The following ZER1 variants were observed in gnomAD, a reference collection of about 807,000 sequenced individuals.
ZER1 encodes zyg-11 related cell cycle regulator, also known as protein zer-1 homolog.
In ZER1, 11 loss-of-function variants were observed where a neutral mutation model predicts 78.8. That is an observed-to-expected ratio of 0.14 (90% CI 0.09 to 0.23). ZER1 has a LOEUF of 0.23. ZER1 is among the 10% of genes least tolerant of loss of function. The pLI is 1.00. For missense variants in ZER1, 588 were observed against 996.9 expected (o/e 0.59, Z 5.52); for synonymous variants, 400 against 407.0 (o/e 0.98, Z 0.21).
In ZER1 at chr9:128,742,707, G is replaced by A. The variant is rs772724504; in HGVS notation, c.1398C>T (p.Ser466=). 4.3e-6 allele frequency: 7 copies of A among 1,613,584 alleles called. No individual in the cohort carries two copies. The Admixed American group carries it at 6.7e-5, about 15-fold the overall frequency. ...ACTGGAATTCCAGCTCCTCGGGGATGCTGAAGTTGCAGAGCGTCAGGCAGC... is the reference window on the plus strand; with the variant it reads ...ACTGGAATTCCAGCTCCTCGGGGATACTGAAGTTGCAGAGCGTCAGGCAGC... The part of the protein sequence containing the change: ...RNCCLTLCNF[S]IPEELEFQYR... Residue 466 remains serine, a synonymous_variant, in exon 9 of 16, where the codon AGC becomes AGT. Transcript: ENST00000291900.
rs1400479079 is a variant in ZER1, at chr9:128,740,561, C to T, written c.1853+211G>A. Reference sequence around the variant, plus strand: ...TGCCACTGCACTTCAGCCTGGGTGACAGAGCAAGACTCCATCTCAAAAAAA... The same window carrying T: ...TGCCACTGCACTTCAGCCTGGGTGATAGAGCAAGACTCCATCTCAAAAAAA... On this transcript the variant is annotated intron_variant, in intron 12 of 15. Transcript: ENST00000291900. This position sits in a 1 kb window ranked among gnomAD's most constrained non-coding sequence, Gnocchi z 4.4. Among the ~76,000 whole-genome samples, 1 of 143,364 alleles carries T rather than the reference C, an allele frequency of 7.0e-6. No homozygotes were observed. Among genetic ancestry groups the T allele is most frequent in the African/African-American group, 2.6e-5 (1 of 38,108 alleles). 94.1% of individuals were successfully genotyped at this position (143,364 alleles called of 152,430 possible).
At chr9:128,771,106 T>C (rs1864368939) in intron 1 of ZER1, among the ~76,000 whole-genome samples, 1 of 152,200 alleles carries the variant, frequency 6.6e-6, no homozygotes, top group Non-Finnish European at 1.5e-5. Context: ...CAAGACAAGT[T>C]CCACCCAGAG....
At position 128,740,635 on chromosome 9, in the gene ZER1, A is replaced by C. The variant is rs1355304054; in HGVS notation, c.1853+137T>G. Reference sequence around the variant, plus strand: ...GGACCACTTACGAAGGATTGAATGAATAAGAAACCACATTATCGAGGGAAA... The same window carrying C: ...GGACCACTTACGAAGGATTGAATGACTAAGAAACCACATTATCGAGGGAAA... On this transcript the variant is annotated intron_variant, in intron 12 of 15. Transcript: ENST00000291900. This position sits in a 1 kb window ranked among gnomAD's most constrained non-coding sequence, Gnocchi z 4.4. 1 of 594,992 alleles carries C rather than the reference A, an allele frequency of 1.7e-6. No homozygotes were observed. The highest frequency in any genetic ancestry group is 3.0e-6 in the Non-Finnish European group (1 of 330,108). The allele number at this position is 594,992 out of a possible 1,614,324, so 36.9% of individuals were successfully genotyped here.
At chr9:128,766,510 T>C (rs940889133) in intron 1 of ZER1, among the ~76,000 whole-genome samples, 22 of 152,168 alleles carry the variant, frequency 1.4e-4, no homozygotes, top group African/African-American at 5.3e-4. Flanking sequence ...ACTATGGATC[T>C]GAACAGACAG....
At chr9:128,733,857 C>T (rs968114973) in intron 14 of ZER1, among the ~76,000 whole-genome samples, 3 of 143,136 alleles carry the variant, frequency 2.1e-5, no homozygotes, top group East Asian at 2.1e-4. Context: ...TGGCCGGGCA[C>T]GGTGGCTCAC....
Position 128,753,868 on chromosome 9 carries a change from G to C in ZER1, c.250C>G (p.Arg84Gly). ...FSDPRSTRLTRIHLREDLVQD... is the reference protein window; with the variant it reads ...FSDPRSTRLTGIHLREDLVQD... ...ACCAGGTCCTCACGGAGGTGGATCCGCGTGAGGCGGGTGCTGCGGGGGTCC... is the reference window on the plus strand; with the variant it reads ...ACCAGGTCCTCACGGAGGTGGATCCCCGTGAGGCGGGTGCTGCGGGGGTCC... Residue 84 changes from arginine to glycine, a missense_variant, in exon 3 of 16, where the codon CGG becomes GGG. Arg to Gly is a moderately radical substitution (Grantham distance 125, BLOSUM62 -2). Around this residue, in one of 3 missense-constraint regions of ZER1, gnomAD observed 406 missense variants for 660.1 expected, o/e 0.62. Transcript: ENST00000291900. The surrounding 1 kb of genome is among the most constrained non-coding windows in gnomAD (Gnocchi z 7.5). 1.9e-6 allele frequency: 3 copies of C among 1,603,406 alleles called. No individual in the cohort carries two copies. Among genetic ancestry groups the C allele is most frequent in the Non-Finnish European group, 2.6e-6 (3 of 1,175,516 alleles).
intron 1 of ZER1, among the ~76,000 whole-genome samples, chr9:128,768,462 T>C (rs985801175): frequency 6.6e-6 from 1 of 152,122 alleles, no homozygotes; most frequent in Admixed American, 6.6e-5. Context: ...ATTCTTAATC[T>C]ACAAATAGGA....
intron 1 of ZER1, among the ~76,000 whole-genome samples, chr9:128,759,655 C>A (rs1396314578): frequency 2.6e-5 from 4 of 151,768 alleles, no homozygotes; most frequent in Non-Finnish European, 5.9e-5. Flanking sequence ...ATTAGCCGGG[C>A]GTGGTGGCAC....
Position 128,755,920 on chromosome 9 carries a change from C to G in ZER1, c.-94-261G>C, listed in dbSNP as rs1863843012. On this transcript the variant is annotated intron_variant, in intron 1 of 15. Transcript: ENST00000291900. The surrounding 1 kb of genome is among the most constrained non-coding windows in gnomAD (Gnocchi z 5.6). ...AGACGTGTGTGCTGGGGACCCAGTGCTTGGGTGGGGATAATACAGATTTTC... is the reference window on the plus strand; with the variant it reads ...AGACGTGTGTGCTGGGGACCCAGTGGTTGGGTGGGGATAATACAGATTTTC... 6.6e-6 allele frequency among the ~76,000 whole-genome samples: 1 copy of G among 152,180 alleles called. No homozygotes were observed.
Position 128,740,915 on chromosome 9 carries a change from A to G in ZER1, c.1738-28T>C. The G allele has an allele frequency of 2.6e-6, 2 of 779,714 alleles. No homozygotes were observed. Among genetic ancestry groups the G allele is most frequent in the Admixed American group, 3.4e-5 (2 of 58,616 alleles). The allele number at this position is 779,714 out of a possible 1,614,324, so 48.3% of individuals were successfully genotyped here. Reference sequence around the variant, plus strand: ...GGGAAAAGGAGAGCCAATGGGCCGCATCAATTAGTACTTAATGACTTAGTA... The same window carrying G: ...GGGAAAAGGAGAGCCAATGGGCCGCGTCAATTAGTACTTAATGACTTAGTA... On this transcript the variant is annotated intron_variant, in intron 11 of 15. Coordinates refer to ENST00000291900, the MANE Select transcript of ZER1 (RefSeq NM_006336.4). The surrounding 1 kb of genome is among the most constrained non-coding windows in gnomAD (Gnocchi z 4.4).
At chr9:128,746,644 T>C (rs1258578894) in intron 8 of ZER1, among the ~76,000 whole-genome samples, 1 of 151,756 alleles carries the variant, frequency 6.6e-6, no homozygotes, top group Admixed American at 6.6e-5. Context: ...AAAAAAATTT[T>C]TTTTTTTTGA....
chr9:128,744,954 G>A (rs898031036), intron 8 of ZER1, among the ~76,000 whole-genome samples: 2 of 152,124 alleles, frequency 1.3e-5, no homozygotes, highest in Non-Finnish European at 2.9e-5. Flanking sequence ...GCTACTGTGA[G>A]CCATGTATTA....
Position 128,750,709 on chromosome 9 carries a change from T to G in ZER1, c.1266A>C (p.Thr422=), listed in dbSNP as rs778526165. ...TCTGCTCTGAGCGGTACTCGGAATT[T>G]GTTAGGTAGAAGAGAGCGGCGCTGC... ...VTGSAALFYL[T]NSEYRSEQSV... The change falls in exon 8 of 16, where the codon ACA becomes ACC. Residue 422 remains threonine, a synonymous_variant. Transcript: ENST00000291900. 2 of 1,614,056 alleles carry G rather than the reference T, an allele frequency of 1.2e-6. No homozygotes were observed. The highest frequency in any genetic ancestry group is 1.7e-6 in the Non-Finnish European group (2 of 1,180,034).
At chr9:128,757,859 C>T (rs1863910910) in intron 1 of ZER1, among the ~76,000 whole-genome samples, 1 of 152,128 alleles carries the variant, frequency 6.6e-6, no homozygotes, top group Non-Finnish European at 1.5e-5. Flanking sequence ...ATACGTTCAA[C>T]ACTTAGCAAC....
chr9:128,733,738 C>A lies in ZER1; in HGVS notation c.2141-210G>T, dbSNP rs1050870736. On this transcript the variant is annotated intron_variant, in intron 14 of 15. Transcript: ENST00000291900. The stretch of plus-strand genomic sequence containing the variant: ...TCCATGTAGGGGAGGCAAGAGGTGA[C>A]TCCTTGGTTTGAAGTTGCTGCATTT... 2.4e-4 allele frequency among the ~76,000 whole-genome samples: 36 copies of A among 150,804 alleles called. 1 individual carries two copies. Among genetic ancestry groups the A allele is most frequent in the African/African-American group, 8.8e-4 (36 of 41,056 alleles).
rs947524696 is a variant in ZER1, at chr9:128,771,599, C to G, written c.-113G>C. The G allele has an allele frequency of 6.6e-6, 1 of 152,424 alleles. No individual in the cohort carries two copies. Among genetic ancestry groups the G allele is most frequent in the Non-Finnish European group, 1.5e-5 (1 of 68,206 alleles). 9.4% of individuals were successfully genotyped at this position (152,424 alleles called of 1,614,324 possible). On this transcript the variant is annotated 5_prime_UTR_variant, in exon 1 of 16. Coordinates refer to ENST00000291900, the MANE Select transcript of ZER1 (RefSeq NM_006336.4). ...GACCTACCCTGGACGGGGCTGCCCT[C>G]AGCGTCGGGAAGCGGACGTGATGCT...
chr9:128,763,322 G>A (rs1391342712), intron 1 of ZER1, among the ~76,000 whole-genome samples: 1 of 152,124 alleles, frequency 6.6e-6, no homozygotes, highest in East Asian at 1.9e-4. Context: ...GGGTGTGCCT[G>A]CTGAGTCCCC....
chr9:128,733,602 G>T, intron 14 of ZER1, 74 bp from the exon 15 acceptor site: 2 of 1,342,230 alleles, frequency 1.5e-6, no homozygotes, highest in Non-Finnish European at 2.1e-6. Flanking sequence ...AACCCACCCT[G>T]TCTGTGAGGA....
chr9:128,738,472 G>A (rs958500431), intron 13 of ZER1, among the ~76,000 whole-genome samples: 5 of 148,126 alleles, frequency 3.4e-5, no homozygotes, highest in South Asian at 2.1e-4. Flanking sequence ...TGCAAGCTCC[G>A]CCTCCCAGGT....
Sources: gnomAD v4.1 joint callset for allele counts (sites outside exome capture counted in the v4.1 genomes callset) on GRCh38, gnomAD v4.1.1 for gene constraint, gnomAD v4.1.1 regional missense constraint, Gnocchi (gnomAD v3.1) non-coding constraint, MANE v1.5 for transcripts, NCBI Gene and HGNC (gene_info 2026-07-23, HGNC 2026-07-21) for gene names.